The following WDR49 variants were observed in gnomAD, a reference collection of about 807,000 sequenced individuals.
WDR49 encodes the protein cilia- and flagella-associated protein 337.
WDR49 carries 107 observed loss-of-function variants against 119.5 expected under a neutral mutation model. That is an observed-to-expected ratio of 0.90 (90% CI 0.77 to 1.05). The LOEUF is 1.05. WDR49 is among the 50% of genes least tolerant of loss of function. WDR49 has a pLI of 0.00. For synonymous variants in WDR49, 425 were observed against 418.8 expected, an observed-to-expected ratio of 1.01 and a Z score of -0.18; for missense variants, 1,240 against 1,220.5, an observed-to-expected ratio of 1.02 and a Z score of -0.24.
chr3:167,608,996 A>G lies in WDR49; in HGVS notation c.959-4528T>C, dbSNP rs1349204202. Among the ~76,000 whole-genome samples, 4 of 152,320 alleles carry G rather than the reference A, an allele frequency of 2.6e-5. No homozygotes were observed. In the East Asian group the frequency reaches 7.7e-4, roughly 29 times the overall value. ...TGTCAAAATGACCCTGTGTAACAGC[A>G]ATTAGTTAATGTGGGAAAGTGATTT... is the stretch of plus-strand genomic sequence containing the variant. On this transcript the variant is annotated intron_variant, in intron 5 of 18. Transcript: ENST00000682715.
chr3:167,514,628 G>GACACACACACACAC (rs59265631), intron 16 of WDR49, among the ~76,000 whole-genome samples: 2 of 140,932 alleles, frequency 1.4e-5, no homozygotes, highest in African/African-American at 2.6e-5. Context: ...AGGAGATGCA[G>GACACACACACACAC]ACACACACAC....
chr3:167,482,572 G>A (rs368241977), intron 18 of WDR49, among the ~76,000 whole-genome samples: 2 of 151,508 alleles, frequency 1.3e-5, no homozygotes, highest in African/African-American at 4.8e-5. Flanking sequence ...CCAGCTACTC[G>A]GGAGGCTGAG....
At chr3:167,607,590 A>G (rs1483609619) in intron 5 of WDR49, among the ~76,000 whole-genome samples, 1 of 152,168 alleles carries the variant, frequency 6.6e-6, no homozygotes, top group Non-Finnish European at 1.5e-5. Context: ...AGCTAATTGG[A>G]GGTGGAGATG....
intron 1 of WDR49, 75 bp from the exon 2 acceptor site, chr3:167,653,574 G>C (rs933873780): frequency 1.1e-6 from 1 of 894,700 alleles, no homozygotes; most frequent in Middle Eastern, 3.3e-4. Flanking sequence ...ACGATCAGGA[G>C]GCAAAATGTT....
intron 8 of WDR49, among the ~76,000 whole-genome samples, chr3:167,573,142 G>A (rs1394917224): frequency 6.6e-6 from 1 of 152,042 alleles, no homozygotes; most frequent in Non-Finnish European, 1.5e-5. Context: ...GAGACAAGAG[G>A]ACACTTCCAA....
intron 8 of WDR49, among the ~76,000 whole-genome samples, chr3:167,567,497 A>G (rs1426043991): frequency 6.6e-6 from 1 of 152,170 alleles, no homozygotes; most frequent in Non-Finnish European, 1.5e-5. Context: ...TTTCTTCAGC[A>G]GGAATTTATT....
At chr3:167,506,534 T>G (rs1386945979) in intron 16 of WDR49, among the ~76,000 whole-genome samples, 1 of 152,206 alleles carries the variant, frequency 6.6e-6, no homozygotes, top group Non-Finnish European at 1.5e-5. Flanking sequence ...CTTTAAGTAG[T>G]AATGTATTAA....
At chr3:167,490,898 A>G (rs1751109191) in intron 18 of WDR49, among the ~76,000 whole-genome samples, 1 of 151,846 alleles carries the variant, frequency 6.6e-6, no homozygotes, top group South Asian at 2.1e-4. Flanking sequence ...ACCTTGCACA[A>G]ATTGTCAACT....
chr3:167,642,334 T>C (rs770721444), intron 2 of WDR49, among the ~76,000 whole-genome samples: 1 of 151,964 alleles, frequency 6.6e-6, no homozygotes, highest in East Asian at 1.9e-4. Flanking sequence ...TTTACTTTCA[T>C]TTTTAGAGTA....
chr3:167,487,603 C>T (rs146531636), intron 18 of WDR49, among the ~76,000 whole-genome samples: 72 of 151,960 alleles, frequency 4.7e-4, no homozygotes, highest in African/African-American at 1.3e-3. Context: ...ACGTACAGAA[C>T]GGGAGAAAAT....
chr3:167,620,679 T>C, intron 4 of WDR49, 76 bp from the exon 5 acceptor site: 1 of 1,334,770 alleles, frequency 7.5e-7, no homozygotes, highest in South Asian at 1.6e-5. Context: ...TATTTTAGTT[T>C]AATAAGGAAT....
chr3:167,620,568 G>A lies in WDR49; in HGVS notation c.819C>T (p.Ser273=), dbSNP rs1451941359. Residue 273 remains serine (S), a synonymous_variant, in exon 5 of 19, where the codon TCC becomes TCT. Coordinates refer to ENST00000682715, the MANE Select transcript of WDR49 (RefSeq NM_001366157.1). ...ATGCACTAGCAGGCCGTTCAAACAG[G>A]GAAATCAAGGCTGCGGTGAAAGCAA... The part of the protein sequence containing the change: ...QAIAFTAALI[S]LFERPASACE... 3.9e-6 allele frequency: 6 copies of A among 1,534,814 alleles called. No homozygotes were observed. Among genetic ancestry groups the A allele is most frequent in the East Asian group, 2.4e-5 (1 of 40,856 alleles).
chr3:167,506,023 A>G (rs1415078342), intron 16 of WDR49, among the ~76,000 whole-genome samples: 1 of 152,216 alleles, frequency 6.6e-6, no homozygotes, highest in Non-Finnish European at 1.5e-5. Flanking sequence ...TCACTGTCAT[A>G]GACTTCAACC....
At position 167,522,005 on chromosome 3, in the gene WDR49, G is replaced by GATAT. The variant is rs1465783702; in HGVS notation, c.2774+309_2774+310insATAT. 2.5e-4 allele frequency among the ~76,000 whole-genome samples: 36 copies of GATAT among 141,536 alleles called. No homozygotes were observed. The East Asian group carries it at 2.9e-3, about 12-fold the overall frequency. The allele number at this position is 141,536 out of a possible 152,430, so 92.9% of individuals were successfully genotyped here. A position where few individuals can be genotyped will look rare whatever the true frequency, so the allele number is the denominator to read the frequency against. Reference sequence around the variant, plus strand: ...AGATAGATAGATAGATAGATAGATAGATAGATAGATAGATTGTTTTTGAAG... The same window carrying GATAT: ...AGATAGATAGATAGATAGATAGATAGATATATAGATAGATAGATTGTTTTTGAAG... On this transcript the variant is annotated intron_variant, in intron 16 of 18. Transcript: ENST00000682715.
At chr3:167,535,929 C>T (rs1279135915) in intron 11 of WDR49, among the ~76,000 whole-genome samples, 2 of 152,222 alleles carry the variant, frequency 1.3e-5, no homozygotes, top group East Asian at 1.9e-4. Flanking sequence ...TTGTCATTTG[C>T]AGCAACATGA....
chr3:167,637,797 G>A (rs1292381206), intron 2 of WDR49, among the ~76,000 whole-genome samples: 1 of 151,548 alleles, frequency 6.6e-6, no homozygotes, highest in Non-Finnish European at 1.5e-5. Context: ...TTGATTCTCT[G>A]CTTGGTTGCT....
intron 9 of WDR49, among the ~76,000 whole-genome samples, 190 bp from the exon 10 acceptor site, chr3:167,554,988 A>C (rs1712838576): frequency 6.6e-6 from 1 of 152,162 alleles, no homozygotes; most frequent in Non-Finnish European, 1.5e-5. Flanking sequence ...CGGCACAATA[A>C]CTTTTAAAAT....
chr3:167,533,231 A>C (rs1752912277), intron 11 of WDR49, among the ~76,000 whole-genome samples: 1 of 152,142 alleles, frequency 6.6e-6, no homozygotes, highest in African/African-American at 2.4e-5. Context: ...ATGGTAATAA[A>C]GCATTCAGAA....
At chr3:167,517,790 T>C (rs1752278162) in intron 16 of WDR49, among the ~76,000 whole-genome samples, 1 of 151,952 alleles carries the variant, frequency 6.6e-6, no homozygotes, top group Non-Finnish European at 1.5e-5. Flanking sequence ...ATGTGCAGGT[T>C]AGTTACATAT....
Sources: allele counts gnomAD v4.1 joint callset (sites outside exome capture counted in the v4.1 genomes callset), GRCh38; gene constraint gnomAD v4.1.1; transcripts MANE v1.5; gene names NCBI Gene and HGNC (gene_info 2026-07-23, HGNC 2026-07-21).